RIDA: variants seen among roughly 807,000 people sequenced by gnomAD.
RIDA encodes reactive intermediate imine deaminase A, also known as 2-iminobutanoate/2-iminopropanoate deaminase.
RIDA carries 17 observed loss-of-function variants against 17.8 expected under a neutral mutation model. The ratio of observed to expected loss-of-function variants is 0.96; its 90% CI spans 0.65 to 1.43. The LOEUF (loss-of-function observed/expected upper bound fraction) is 1.43. RIDA is among the 40% of genes most tolerant of loss of function. The probability of loss-of-function intolerance (pLI) is 0.00; values close to 1 mark genes in which losing one functional copy is unlikely to be tolerated. For synonymous variants in RIDA, 48 were observed against 55.7 expected (o/e 0.86, Z 0.62); for missense variants, 158 against 161.7 (o/e 0.98, Z 0.12).
chr8:98,105,865 T>C, intron 4 of RIDA, 73 bp downstream of exon 4: 2 of 868,262 alleles, frequency 2.3e-6, no homozygotes, highest in African/African-American at 1.7e-5. Context: ...TAATTCATAA[T>C]GCACATTCAT....
At chr8:98,103,124 A>G (rs904733573) in intron 5 of RIDA, among the ~76,000 whole-genome samples, 1 of 152,236 alleles carries the variant, frequency 6.6e-6, no homozygotes, top group Non-Finnish European at 1.5e-5. Context: ...ATTCTCACAG[A>G]AGCCCTATTA....
intron 1 of RIDA, among the ~76,000 whole-genome samples, chr8:98,113,190 T>C (rs1563765002): frequency 1.3e-5 from 2 of 152,324 alleles, no homozygotes; most frequent in Non-Finnish European, 1.5e-5. Flanking sequence ...TGCAAAGCAA[T>C]GCAATGTTGA....
At chr8:98,108,776 A>G (rs182087576) in intron 1 of RIDA, 25 bp from the exon 2 acceptor site, 5 of 1,429,424 alleles carry the variant, frequency 3.5e-6, no homozygotes, top group Non-Finnish European at 4.9e-6. Context: ...AAGCTAGTGT[A>G]TTTATGTAAG....
At chr8:98,106,124 C>G in intron 3 of RIDA, 118 bp from the exon 4 acceptor site, 1 of 1,063,602 alleles carries the variant, frequency 9.4e-7, no homozygotes. Context: ...GAAATGGGAC[C>G]AAAGAAGTGA....
intron 1 of RIDA, among the ~76,000 whole-genome samples, chr8:98,111,905 C>A (rs537329740): frequency 6.6e-6 from 1 of 151,998 alleles, no homozygotes; most frequent in African/African-American, 2.4e-5. Flanking sequence ...CAGTTCCCAG[C>A]CCAGAACCAT....
intron 1 of RIDA, among the ~76,000 whole-genome samples, chr8:98,112,668 G>C (rs1563764902): frequency 1.3e-5 from 2 of 152,176 alleles, no homozygotes; most frequent in Non-Finnish European, 2.9e-5. Flanking sequence ...TAACTACTGA[G>C]TTTGTTAATT....
intron 1 of RIDA, among the ~76,000 whole-genome samples, chr8:98,114,491 A>ATT (rs34996191): frequency 0.043 from 6,070 of 142,164 alleles, 409 homozygotes; most frequent in African/African-American, 0.14. Flanking sequence ...TACCCAGCTA[A>ATT]TTTTTTTTTT....
intron 2 of RIDA, chr8:98,106,598 C>T (rs949922246): frequency 2.9e-6 from 1 of 343,666 alleles, no homozygotes. Flanking sequence ...CAGCCAATGT[C>T]CACAGAAATA....
At chr8:98,103,892 C>G (rs572411752) in intron 5 of RIDA, among the ~76,000 whole-genome samples, 1 of 152,228 alleles carries the variant, frequency 6.6e-6, no homozygotes, top group Admixed American at 6.5e-5. Context: ...CCCGCCTCGG[C>G]CTCCGAAAGC....
chr8:98,104,233 C>T (rs1235567045), intron 5 of RIDA, among the ~76,000 whole-genome samples: 1 of 151,952 alleles, frequency 6.6e-6, no homozygotes, highest in East Asian at 1.9e-4. Context: ...AGGTGTGCAC[C>T]ACCACCATGC....
intron 2 of RIDA, among the ~76,000 whole-genome samples, chr8:98,108,155 T>A (rs4442111): frequency 0.26 from 39,683 of 151,708 alleles, 5,335 homozygotes; most frequent in African/African-American, 0.34. Flanking sequence ...CCTCAAGTGA[T>A]CTGCCAGCCT....
At chr8:98,116,642 A>T (rs186976415) in intron 1 of RIDA, among the ~76,000 whole-genome samples, 5 of 151,172 alleles carry the variant, frequency 3.3e-5, no homozygotes, top group Admixed American at 3.3e-4. Flanking sequence ...CAACTCTGTG[A>T]GTATGGTCAA....
intron 1 of RIDA, among the ~76,000 whole-genome samples, chr8:98,113,002 A>G (rs564454421): frequency 2.6e-5 from 4 of 152,350 alleles, no homozygotes; most frequent in South Asian, 2.1e-4. Context: ...TAAGAATCCT[A>G]CTATCCAAAG....
chr8:98,108,493 A>G (rs1001825853), intron 2 of RIDA, among the ~76,000 whole-genome samples, 153 bp downstream of exon 2: 11 of 151,944 alleles, frequency 7.2e-5, no homozygotes, highest in Admixed American at 4.6e-4. Flanking sequence ...TCCAACTCTT[A>G]GATCAAAAAC....
chr8:98,114,523 A>T (rs1815774649), intron 1 of RIDA, among the ~76,000 whole-genome samples: 2 of 149,678 alleles, frequency 1.3e-5, no homozygotes, highest in Admixed American at 1.3e-4. Flanking sequence ...TTTAGTAGAG[A>T]CGGGGTTTCA....
At chr8:98,105,908 G>C in intron 4 of RIDA, 30 bp downstream of exon 4, 1 of 1,380,162 alleles carries the variant, frequency 7.2e-7, no homozygotes, top group Non-Finnish European at 1.0e-6. Context: ...TTTTAAAAAT[G>C]GAAAATAGGA....
intron 2 of RIDA, 37 bp from the exon 3 acceptor site, chr8:98,106,363 G>A: frequency 6.5e-7 from 1 of 1,546,350 alleles, no homozygotes; most frequent in African/African-American, 1.4e-5. Context: ...AGTCACTGAT[G>A]TTAGATTTAA....
rs562800103 is a variant in RIDA at position 98,102,741 on chromosome 8, C to T, written c.*101G>A. 1.7e-4 allele frequency: 131 copies of T among 769,128 alleles called. No homozygotes were observed. In the African/African-American group the frequency reaches 1.8e-3, roughly 11 times the overall value. The allele number at this position is 769,128 out of a possible 1,614,324, so 47.6% of individuals were successfully genotyped here. A position where few individuals can be genotyped will look rare whatever the true frequency, so the allele number is the denominator to read the frequency against. On this transcript the variant is annotated 3_prime_UTR_variant, in exon 6 of 6. Transcript: ENST00000254878. ...GCTTCAGATATTTTCATCAAACTCA[C>T]ACTGTCATCAATTGTGAAAATTAAA...
At chr8:98,113,760 A>G (rs1815761786) in intron 1 of RIDA, 1 of 152,224 alleles carries the variant, frequency 6.6e-6, no homozygotes, top group Non-Finnish European at 1.5e-5. Context: ...AGTGTCTCTA[A>G]TAATCACTTT....
Sources: allele counts gnomAD v4.1 joint callset (sites outside exome capture counted in the v4.1 genomes callset), GRCh38; gene constraint gnomAD v4.1.1; transcripts MANE v1.5; gene names NCBI Gene and HGNC (gene_info 2026-07-23, HGNC 2026-07-21).